Variants in ADAMTSL1 observed in about 807,000 individuals in gnomAD.
The protein encoded by ADAMTSL1 is ADAMTS-like protein 1.
ADAMTSL1 carries 126 observed loss-of-function variants against 201.8 expected under a neutral mutation model. That is an observed-to-expected ratio of 0.62 (90% CI 0.54 to 0.72). The LOEUF (loss-of-function observed/expected upper bound fraction) is 0.72, where lower values mean the gene tolerates loss of function less well. Among genes scored for constraint, ADAMTSL1 ranks in the 30% least tolerant of loss-of-function variants. ADAMTSL1 has a pLI of 0.00. For missense variants in ADAMTSL1, 2,679 were observed against 2,277.8 expected (o/e 1.18, Z -3.59); for synonymous variants, 1,121 against 903.4 (o/e 1.24, Z -4.32).
At chr9:18,738,193 A>C (rs887085755) in intron 15 of ADAMTSL1, among the ~76,000 whole-genome samples, 1 of 152,190 alleles carries the variant, frequency 6.6e-6, no homozygotes, top group African/African-American at 2.4e-5. Flanking sequence ...ATTTTTCACT[A>C]GGATAAGAAA....
chr9:18,240,995 A>C (rs930863494), intron 2 of ADAMTSL1, among the ~76,000 whole-genome samples: 1 of 152,210 alleles, frequency 6.6e-6, no homozygotes, highest in Non-Finnish European at 1.5e-5. Flanking sequence ...CTTTGACTTA[A>C]GAGAATATTG....
At position 18,461,672 on chromosome 9, in the gene ADAMTSL1, G is replaced by C. The variant is rs190051516; in HGVS notation, c.208-43157G>C. Among the ~76,000 whole-genome samples, 210 of 152,230 alleles carry C rather than the reference G, an allele frequency of 1.4e-3. 2 individuals carry two copies. The highest frequency in any genetic ancestry group is 4.7e-3 in the African/African-American group (197 of 41,534). ...ACAAGGCAGTATCTTGCCCTAACCT[G>C]TCCAGCGCAGACCTCAGGAGTGAGA... On this transcript the variant is annotated intron_variant, in intron 2 of 29. Transcript: ENST00000680146.
chr9:18,743,732 A>G (rs1818975561), intron 15 of ADAMTSL1, among the ~76,000 whole-genome samples: 1 of 152,180 alleles, frequency 6.6e-6, no homozygotes, highest in African/African-American at 2.4e-5. Flanking sequence ...GATTTATCAT[A>G]CATGTTTCTG....
chr9:18,394,224 T>C (rs1046183477), intron 2 of ADAMTSL1, among the ~76,000 whole-genome samples: 4 of 152,070 alleles, frequency 2.6e-5, no homozygotes, highest in Non-Finnish European at 5.9e-5. Flanking sequence ...CAATAAAAAT[T>C]AGCGGGGGAT....
intron 7 of ADAMTSL1, among the ~76,000 whole-genome samples, chr9:18,641,257 C>G (rs1827416960): frequency 6.6e-6 from 1 of 152,104 alleles, no homozygotes; most frequent in African/African-American, 2.4e-5. Flanking sequence ...AAATTTCTGT[C>G]TGTATCTCCC....
At chr9:18,445,381 G>A (rs1820152044) in intron 2 of ADAMTSL1, among the ~76,000 whole-genome samples, 1 of 152,116 alleles carries the variant, frequency 6.6e-6, no homozygotes. Flanking sequence ...AACTTGATAA[G>A]ACAAAATCTT....
At chr9:17,919,662 C>G (rs1382018239) in intron 1 of ADAMTSL1, among the ~76,000 whole-genome samples, 1 of 152,076 alleles carries the variant, frequency 6.6e-6, no homozygotes, top group Non-Finnish European at 1.5e-5. Flanking sequence ...TCATTCCTTT[C>G]TATGGCTGAG....
intron 19 of ADAMTSL1, among the ~76,000 whole-genome samples, chr9:18,778,699 C>T (rs1431506202): frequency 6.6e-6 from 1 of 152,224 alleles, no homozygotes; most frequent in Non-Finnish European, 1.5e-5. Context: ...CAAATGTAAA[C>T]TCTTTATGTG....
At chr9:18,508,166 C>T (rs546230475) in intron 2 of ADAMTSL1, among the ~76,000 whole-genome samples, 5 of 149,928 alleles carry the variant, frequency 3.3e-5, no homozygotes, top group South Asian at 4.2e-4. Flanking sequence ...GCCTGGGCGA[C>T]GAGCGAAACT....
chr9:18,496,971 G>C lies in ADAMTSL1; in HGVS notation c.64-7858G>C, dbSNP rs78253847. Among the ~76,000 whole-genome samples, 1,219 of 152,324 alleles carry C rather than the reference G, an allele frequency of 8.0e-3. 14 individuals carry two copies. Among genetic ancestry groups the C allele is most frequent in the African/African-American group, 0.028 (1,156 of 41,576 alleles). ...AGAGCAGAGAGAGAATTTCGTTTGA[G>C]GGGGTGTTTCAAACATGCCTGTTTT... On this transcript the variant is annotated intron_variant, in intron 1 of 28. Transcript: ENST00000380548.
intron 2 of ADAMTSL1, among the ~76,000 whole-genome samples, chr9:18,177,407 C>G (rs927758702): frequency 1.3e-5 from 2 of 152,140 alleles, no homozygotes; most frequent in Admixed American, 6.5e-5. Context: ...GTGGCTAAAA[C>G]GTTGCGTCAT....
intron 2 of ADAMTSL1, among the ~76,000 whole-genome samples, chr9:18,307,412 G>A (rs1833950895): frequency 1.3e-5 from 2 of 151,986 alleles, no homozygotes; most frequent in Admixed American, 6.6e-5. Flanking sequence ...TTGGATAAAG[G>A]GTCAAGACCC....
intron 2 of ADAMTSL1, among the ~76,000 whole-genome samples, chr9:18,173,467 G>A (rs1329513668): frequency 6.6e-6 from 1 of 151,914 alleles, no homozygotes; most frequent in Non-Finnish European, 1.5e-5. Flanking sequence ...TTGACCTTTG[G>A]AATTAACGAA....
At chr9:18,633,357 C>T (rs987446279) in intron 5 of ADAMTSL1, among the ~76,000 whole-genome samples, 5 of 152,018 alleles carry the variant, frequency 3.3e-5, no homozygotes, top group African/African-American at 9.6e-5. Context: ...TTTGGGAGGC[C>T]GAGGTGGGTG....
intron 2 of ADAMTSL1, among the ~76,000 whole-genome samples, chr9:18,351,242 A>C (rs1835949645): frequency 1.3e-5 from 2 of 150,574 alleles, no homozygotes; most frequent in Non-Finnish European, 3.0e-5. Context: ...ATAACTTTTA[A>C]GATGAAAGAC....
At chr9:18,854,277 T>C (rs1281937349) in intron 23 of ADAMTSL1, among the ~76,000 whole-genome samples, 2 of 152,098 alleles carry the variant, frequency 1.3e-5, no homozygotes, top group East Asian at 3.9e-4. Context: ...TATTGCCCAG[T>C]GGTATTGGCA....
intron 2 of ADAMTSL1, among the ~76,000 whole-genome samples, chr9:18,310,341 C>A: frequency 1.3e-5 from 1 of 74,528 alleles, no homozygotes; most frequent in South Asian, 4.8e-4. Context: ...CATATCGGAT[C>A]TAATTAAACT....
intron 1 of ADAMTSL1, among the ~76,000 whole-genome samples, chr9:18,496,858 A>G (rs1822559363): frequency 6.6e-6 from 1 of 152,236 alleles, no homozygotes; most frequent in African/African-American, 2.4e-5. Context: ...GATTGGAGTC[A>G]CAGTTTGGAC....
At chr9:18,303,305 A>C (rs1833775481) in intron 2 of ADAMTSL1, among the ~76,000 whole-genome samples, 1 of 152,124 alleles carries the variant, frequency 6.6e-6, no homozygotes, top group Non-Finnish European at 1.5e-5. Context: ...TACCCTGAAG[A>C]CCTTTCTCCA....
Sources: gnomAD v4.1 joint callset for allele counts (sites outside exome capture counted in the v4.1 genomes callset) on GRCh38, gnomAD v4.1.1 for gene constraint, MANE v1.5 for transcripts, NCBI Gene and HGNC (gene_info 2026-07-23, HGNC 2026-07-21) for gene names.